The following DOT1L variants were observed in gnomAD, a reference collection of about 807,000 sequenced individuals.
DOT1L encodes histone-lysine N-methyltransferase, H3 lysine-79 specific.
In DOT1L, 33 loss-of-function variants were observed where a neutral mutation model predicts 153.3. That is an observed-to-expected ratio of 0.22 (90% confidence interval 0.16 to 0.29). The LOEUF (loss-of-function observed/expected upper bound fraction) is 0.29. DOT1L is among the 10% of genes least tolerant of loss of function. The pLI is 1.00. For synonymous variants in DOT1L, 1,135 were observed against 965.1 expected (o/e 1.18, Z -3.26); for missense variants, 1,847 against 2,119.9 (o/e 0.87, Z 2.53).
rs373944560 is a variant in DOT1L, at chr19:2,191,945, C to T, written c.493+705C>T. Among the ~76,000 whole-genome samples, 128 of 152,310 alleles carry T rather than the reference C, an allele frequency of 8.4e-4. No homozygotes were observed. Among genetic ancestry groups the T allele is most frequent in the African/African-American group, 2.6e-3 (110 of 41,578 alleles). On this transcript the variant is annotated intron_variant, in intron 5 of 27. Transcript: ENST00000398665. This position sits in a 1 kb window ranked among gnomAD's most constrained non-coding sequence, Gnocchi z 6.8. ...GCCTGGCTGAAGCACAGATGAGCGG[C>T]CCGTACACGAACAGCCTCAGTAGCC...
intron 8 of DOT1L, among the ~76,000 whole-genome samples, 186 bp downstream of exon 8, chr19:2,200,125 A>T (rs543324991): frequency 2.0e-5 from 3 of 152,060 alleles, no homozygotes; most frequent in Admixed American, 1.3e-4. Context: ...CGCAGAGCAG[A>T]CGTGCCCAGC....
intron 1 of DOT1L, among the ~76,000 whole-genome samples, chr19:2,165,133 T>C (rs2019859661): frequency 6.6e-6 from 1 of 152,080 alleles, no homozygotes. Context: ...GCGTCCGCGC[T>C]TGGGACCCTC....
Position 2,220,148 on chromosome 19 carries a change from C to T in DOT1L, c.2732C>T (p.Ser911Leu), listed in dbSNP as rs200507664. Residue 911 changes from serine to leucine, a missense_variant, in exon 23 of 28, where the codon TCG (serine) becomes TTG (leucine). By Grantham distance (145) the Ser-to-Leu change is moderately radical. Transcript: ENST00000398665. This position sits in a 1 kb window ranked among gnomAD's most constrained non-coding sequence, Gnocchi z 4.5. Reference sequence around the variant, plus strand: ...CCCGTGCTGCAGCCCCGTGACCCCTCGTCCACACTTGAAAAGCAGATTGGT... The same window carrying T: ...CCCGTGCTGCAGCCCCGTGACCCCTTGTCCACACTTGAAAAGCAGATTGGT... ...PSPVLQPRDP[S>L]STLEKQIGAN... The T allele has an allele frequency of 3.7e-6, 6 of 1,613,534 alleles. No individual in the cohort carries two copies. The highest frequency in any genetic ancestry group is 2.2e-5 in the East Asian group (1 of 44,864).
In DOT1L at chr19:2,227,027, G is replaced by C. The variant is rs766496544; in HGVS notation, c.4506G>C (p.Pro1502=). 28 of 1,582,220 alleles carry C rather than the reference G, an allele frequency of 1.8e-5. No individual in the cohort carries two copies. Among genetic ancestry groups the C allele is most frequent in the Non-Finnish European group, 2.3e-5 (27 of 1,170,880 alleles). The change falls in exon 27 of 28, where the codon CCG becomes CCC. Residue 1502 remains proline (P), a synonymous_variant. Transcript: ENST00000398665. The stretch of plus-strand genomic sequence containing the variant: ...TGCAGTCGCTGTTCAGCTCTGTGCC[G>C]GCCGCCGCAGGCCTGGTGCACGTGT... ...SVLQSLFSSV[P]AAAGLVHVSS...
chr19:2,193,677 C>T lies in DOT1L; in HGVS notation c.494-12C>T, dbSNP rs113993622. The T allele has an allele frequency of 1.6e-5, 26 of 1,613,394 alleles. No homozygotes were observed. The African/African-American group carries it at 2.4e-4, about 15-fold the overall frequency. On this transcript the variant is annotated splice_polypyrimidine_tract_variant and intron_variant, in intron 5 of 27. Transcript: ENST00000398665. The surrounding 1 kb of genome is among the most constrained non-coding windows in gnomAD (Gnocchi z 5.9). Reference sequence around the variant, plus strand: ...GCGCTGTGTGGTATCTGATGGATCTCTCTGATCATAGGTGTGGGCCAGGTC... The same window carrying T: ...GCGCTGTGTGGTATCTGATGGATCTTTCTGATCATAGGTGTGGGCCAGGTC...
chr19:2,191,370 C>T lies in DOT1L; in HGVS notation c.493+130C>T. 3 of 941,882 alleles carry T rather than the reference C, an allele frequency of 3.2e-6. No homozygotes were observed. The highest frequency in any genetic ancestry group is 1.6e-5 in the African/African-American group (1 of 61,760). 58.3% of individuals were successfully genotyped at this position (941,882 alleles called of 1,614,324 possible). A position where few individuals can be genotyped will look rare whatever the true frequency, so the allele number is the denominator to read the frequency against. ...TGGCGTGGACAGTGCTTCCTTCTCCCAGCGCCTCTGTCCCGCTGTGGGGCC... is the reference window on the plus strand; with the variant it reads ...TGGCGTGGACAGTGCTTCCTTCTCCTAGCGCCTCTGTCCCGCTGTGGGGCC... On this transcript the variant is annotated intron_variant, in intron 5 of 27. Transcript: ENST00000398665. The surrounding 1 kb of genome is among the most constrained non-coding windows in gnomAD (Gnocchi z 6.8).
intron 1 of DOT1L, among the ~76,000 whole-genome samples, chr19:2,165,423 C>T (rs1289540243): frequency 1.3e-5 from 2 of 152,182 alleles, no homozygotes; most frequent in Admixed American, 1.3e-4. Flanking sequence ...CAGCTTCCAG[C>T]CTGGCCGCAC....
intron 3 of DOT1L, among the ~76,000 whole-genome samples, chr19:2,186,560 C>T (rs2022516254): frequency 6.6e-6 from 1 of 152,228 alleles, no homozygotes; most frequent in Admixed American, 6.5e-5. Context: ...CTTAGGTGAG[C>T]CCCTCTCCAC....
chr19:2,172,039 T>A (rs2021662213), intron 1 of DOT1L, among the ~76,000 whole-genome samples: 1 of 152,126 alleles, frequency 6.6e-6, no homozygotes, highest in Admixed American at 6.5e-5. Flanking sequence ...TGTAGGTAAT[T>A]CATCAGCTAG....
chr19:2,222,447 C>G lies in DOT1L; in HGVS notation c.3278C>G (p.Ser1093Cys), dbSNP rs2024156552. Residue 1093 changes from serine to cysteine, a missense_variant, in exon 24 of 28, where the codon TCT becomes TGT. Ser to Cys is a moderately radical substitution (Grantham distance 112). Around this residue, in one of 8 missense-constraint regions of DOT1L, gnomAD observed 934 missense variants for 825.3 expected, o/e 1.13. Transcript: ENST00000398665. The surrounding 1 kb of genome is among the most constrained non-coding windows in gnomAD (Gnocchi z 6.5). ...SRRRGRRKRASAGTPSLSAGV... is the reference protein window; with the variant it reads ...SRRRGRRKRACAGTPSLSAGV... ...AGGCGCGGCCGGCGGAAGCGAGCAT[C>G]TGCGGGGACGCCCAGCTTGAGCGCA... 1.2e-6 allele frequency: 2 copies of G among 1,608,658 alleles called. No homozygotes were observed. Among genetic ancestry groups the G allele is most frequent in the Non-Finnish European group, 1.7e-6 (2 of 1,178,684 alleles).
chr19:2,212,055 T>C, intron 16 of DOT1L: 1 of 551,882 alleles, frequency 1.8e-6, no homozygotes, highest in Non-Finnish European at 3.2e-6. Flanking sequence ...CTTTTAATCA[T>C]GGTTTTGCAA....
chr19:2,210,879 C>T (rs1398202148), intron 14 of DOT1L, 24 bp downstream of exon 14: 2 of 1,607,476 alleles, frequency 1.2e-6, no homozygotes, highest in African/African-American at 2.7e-5. Flanking sequence ...ACGCCACGGC[C>T]CCCGCTCTCC....
chr19:2,224,170 C>A (rs953922740), intron 25 of DOT1L, among the ~76,000 whole-genome samples: 1 of 152,212 alleles, frequency 6.6e-6, no homozygotes, highest in African/African-American at 2.4e-5. Context: ...ACCATCCATC[C>A]GCCCTCCGTG....
At chr19:2,184,726 G>A (rs974538012) in intron 2 of DOT1L, among the ~76,000 whole-genome samples, 2 of 152,192 alleles carry the variant, frequency 1.3e-5, no homozygotes, top group African/African-American at 4.8e-5. Context: ...ATGCCGTCCT[G>A]TGGGCTTTCC....
Position 2,210,396 on chromosome 19 carries a change from C to T in DOT1L, c.1006-4C>T. The stretch of plus-strand genomic sequence containing the variant: ...TCCTGTGGCTCAACCTGCTCTCCTT[C>T]CAGGAGGAACAGGAGGCAGCCCGGC... On this transcript the variant is annotated splice_region_variant and splice_polypyrimidine_tract_variant and intron_variant, in intron 12 of 27. Coordinates refer to ENST00000398665, the MANE Select transcript of DOT1L (RefSeq NM_032482.3). 2 of 1,529,490 alleles carry T rather than the reference C, an allele frequency of 1.3e-6. No individual in the cohort carries two copies. The highest frequency in any genetic ancestry group is 1.8e-6 in the Non-Finnish European group (2 of 1,140,032). 94.7% of individuals were successfully genotyped at this position (1,529,490 alleles called of 1,614,324 possible).
intron 25 of DOT1L, among the ~76,000 whole-genome samples, 157 bp from the exon 26 acceptor site, chr19:2,225,231 C>T (rs1184369010): frequency 6.6e-6 from 1 of 152,178 alleles, no homozygotes; most frequent in African/African-American, 2.4e-5. Flanking sequence ...CCACCCAGTC[C>T]AGGCCTGGCC....
In DOT1L at chr19:2,216,494, A is replaced by T; in HGVS notation, c.2137A>T (p.Met713Leu). 1 of 1,612,636 alleles carries T rather than the reference A, an allele frequency of 6.2e-7. No homozygotes were observed. Among genetic ancestry groups the T allele is most frequent in the East Asian group, 2.2e-5 (1 of 44,880 alleles). Residue 713 changes from methionine to leucine, a missense_variant, in exon 20 of 28, where the codon ATG (methionine) becomes TTG (leucine). Coordinates refer to ENST00000398665, the MANE Select transcript of DOT1L (RefSeq NM_032482.3). ...HLSSMSPELS[M>L]NGQAAGYELC... ...GAGCAGCATGAGCCCGGAGCTCTCCATGAACGGCCAGGCTGCTGGCTATGA... is the reference window on the plus strand; with the variant it reads ...GAGCAGCATGAGCCCGGAGCTCTCCTTGAACGGCCAGGCTGCTGGCTATGA...
intron 1 of DOT1L, among the ~76,000 whole-genome samples, chr19:2,168,249 C>T (rs1838127866): frequency 6.6e-6 from 1 of 152,194 alleles, no homozygotes; most frequent in Non-Finnish European, 1.5e-5. Flanking sequence ...GGGAGGATTG[C>T]TTGAGCCCAG....
chr19:2,180,776 T>C lies in DOT1L; in HGVS notation c.125+20T>C, dbSNP rs576314644. 1 of 1,613,470 alleles carries C rather than the reference T, an allele frequency of 6.2e-7. No homozygotes were observed. The highest frequency in any genetic ancestry group is 1.3e-5 in the African/African-American group (1 of 74,986). ...CATCCGGTGAGTGCACGGCCTGCAGTGTGTTGTCTTCACAGCCCTGAGCCA... is the reference window on the plus strand; with the variant it reads ...CATCCGGTGAGTGCACGGCCTGCAGCGTGTTGTCTTCACAGCCCTGAGCCA... On this transcript the variant is annotated intron_variant, in intron 2 of 27. Transcript: ENST00000398665.
Sources: allele counts gnomAD v4.1 joint callset (sites outside exome capture counted in the v4.1 genomes callset), GRCh38; gene constraint gnomAD v4.1.1; regional missense constraint gnomAD v4.1.1; non-coding constraint Gnocchi (gnomAD v3.1); transcripts MANE v1.5; gene names NCBI Gene and HGNC (gene_info 2026-07-23, HGNC 2026-07-21).